The following CNTNAP2 variants were observed in gnomAD, a reference collection of about 807,000 sequenced individuals.
The protein encoded by CNTNAP2 is contactin associated protein 2, also known as contactin-associated protein-like 2.
A neutral mutation model predicts 155.2 loss-of-function variants in CNTNAP2; 98 were observed. That is an observed-to-expected ratio of 0.63 (90% CI 0.54 to 0.75). CNTNAP2 has a LOEUF of 0.75. Among genes scored for constraint, CNTNAP2 ranks in the 30% least tolerant of loss-of-function variants. The pLI is 0.00. For missense variants in CNTNAP2, 1,727 were observed against 1,688.1 expected (o/e 1.02, Z -0.40); for synonymous variants, 651 against 631.2 (o/e 1.03, Z -0.47).
chr7:147,466,743 C>T (rs752355943), intron 10 of CNTNAP2, among the ~76,000 whole-genome samples: 10 of 151,908 alleles, frequency 6.6e-5, no homozygotes, highest in Non-Finnish European at 1.5e-4. Context: ...ATGGTGATAC[C>T]CCCGTCTCTA....
intron 1 of CNTNAP2, among the ~76,000 whole-genome samples, chr7:146,151,902 T>C (rs1432371289): frequency 6.6e-6 from 1 of 150,870 alleles, no homozygotes; most frequent in African/African-American, 2.4e-5. Flanking sequence ...AAGGAAACTC[T>C]CAAACGCTGT....
intron 9 of CNTNAP2, among the ~76,000 whole-genome samples, chr7:147,326,144 T>C (rs1055803340): frequency 3.9e-5 from 6 of 152,190 alleles, no homozygotes; most frequent in Non-Finnish European, 7.3e-5. Flanking sequence ...CAGGATGGTC[T>C]CGATCTCCTG....
In CNTNAP2 at chr7:148,066,249, T is replaced by C. The variant is rs185896988; in HGVS notation, c.2384-51869T>C. Among the ~76,000 whole-genome samples, 11 of 152,342 alleles carry C rather than the reference T, an allele frequency of 7.2e-5. No homozygotes were observed. In the East Asian group the frequency reaches 1.7e-3, roughly 24 times the overall value. ...TTTGTCTTGACTTTAGATAACCTAA[T>C]GACTATGTGCTAGGTGATGATCTTT... On this transcript the variant is annotated intron_variant, in intron 15 of 23. Coordinates refer to ENST00000361727, the MANE Select transcript of CNTNAP2 (RefSeq NM_014141.6).
At chr7:147,912,592 A>G (rs1253602756) in intron 14 of CNTNAP2, among the ~76,000 whole-genome samples, 1 of 152,182 alleles carries the variant, frequency 6.6e-6, no homozygotes, top group Non-Finnish European at 1.5e-5. Context: ...GAAACTTGCA[A>G]CTGCTTCCTG....
intron 1 of CNTNAP2, among the ~76,000 whole-genome samples, chr7:146,307,277 G>A (rs1261255431): frequency 2.0e-5 from 3 of 152,168 alleles, no homozygotes; most frequent in African/African-American, 4.8e-5. Context: ...TAGAAGGGAT[G>A]TGAAGGACAT....
chr7:147,738,161 GC>G (rs1796890311), intron 13 of CNTNAP2, among the ~76,000 whole-genome samples: 1 of 152,190 alleles, frequency 6.6e-6, no homozygotes, highest in Non-Finnish European at 1.5e-5. Context: ...TCTTGGAATC[GC>G]CCCCCGAAAT....
chr7:146,888,766 A>G (rs1243138847), intron 3 of CNTNAP2, among the ~76,000 whole-genome samples: 1 of 152,144 alleles, frequency 6.6e-6, no homozygotes, highest in African/African-American at 2.4e-5. Flanking sequence ...CAAACACTAT[A>G]TGATGTTACC....
At position 146,583,299 on chromosome 7, in the gene CNTNAP2, G is replaced by T. The variant is rs185464629; in HGVS notation, c.98-190972G>T. On this transcript the variant is annotated intron_variant, in intron 1 of 23. Coordinates refer to ENST00000361727, the MANE Select transcript of CNTNAP2 (RefSeq NM_014141.6). The stretch of plus-strand genomic sequence containing the variant: ...GAAGGAAAGAGAACGTCTCATGAAA[G>T]AAAGGGAAGCGAGGCACAGTGGATG... Among the ~76,000 whole-genome samples, 82 of 152,274 alleles carry T rather than the reference G, an allele frequency of 5.4e-4. 1 individual carries two copies. In the East Asian group the frequency reaches 7.9e-3, roughly 15 times the overall value.
rs60716582 is a variant in CNTNAP2 at position 148,157,571 on chromosome 7, C to CA, written c.2773+9877dup. On this transcript the variant is annotated intron_variant, in intron 17 of 23. Transcript: ENST00000361727. ...TCAAGCATGACAGAAGCAGAAGCAG[C>CA]AAAAAAAAAAAAAAAGTCACAGAGA... 1.9e-3 allele frequency among the ~76,000 whole-genome samples: 215 copies of CA among 111,136 alleles called. 5 individuals carry two copies. Among genetic ancestry groups the CA allele is most frequent in the East Asian group, 0.011 (37 of 3,502 alleles). The allele number at this position is 111,136 out of a possible 152,430, so 72.9% of individuals were successfully genotyped here.
intron 3 of CNTNAP2, among the ~76,000 whole-genome samples, chr7:146,868,786 G>C (rs1795252541): frequency 6.6e-6 from 1 of 152,088 alleles, no homozygotes; most frequent in Non-Finnish European, 1.5e-5. Flanking sequence ...AATTGTGAGT[G>C]GGATTGCCCT....
intron 11 of CNTNAP2, among the ~76,000 whole-genome samples, chr7:147,561,110 GC>G (rs1298993795): frequency 1.3e-5 from 2 of 152,092 alleles, no homozygotes; most frequent in South Asian, 4.2e-4. Context: ...CTCAGTGAAA[GC>G]TCTCTAATTC....
intron 9 of CNTNAP2, among the ~76,000 whole-genome samples, chr7:147,309,568 G>A (rs2692177): frequency 0.49 from 74,392 of 151,018 alleles, 19,414 homozygotes; most frequent in East Asian, 0.73. Context: ...CACTTTTTTC[G>A]TAGAGGAGTT....
At chr7:146,894,728 T>C (rs2129212211) in intron 3 of CNTNAP2, among the ~76,000 whole-genome samples, 1 of 152,278 alleles carries the variant, frequency 6.6e-6, no homozygotes, top group East Asian at 1.9e-4. Context: ...TTAATTTACT[T>C]TTCTAATTCT....
Position 147,876,387 on chromosome 7 carries a change from G to A in CNTNAP2, c.2099-27178G>A, listed in dbSNP as rs151004199. On this transcript the variant is annotated intron_variant, in intron 13 of 23. Coordinates refer to ENST00000361727, the MANE Select transcript of CNTNAP2 (RefSeq NM_014141.6). ...AAGCAGAGGAGAAAAACGTTTAAATGTATATTGCTCAGCCAAAATAATGTT... is the reference window on the plus strand; with the variant it reads ...AAGCAGAGGAGAAAAACGTTTAAATATATATTGCTCAGCCAAAATAATGTT... Among the ~76,000 whole-genome samples the A allele has an allele frequency of 3.7e-3, 560 of 152,038 alleles. 5 individuals are homozygous for A. Among genetic ancestry groups the A allele is most frequent in the African/African-American group, 0.012 (514 of 41,522 alleles).
chr7:147,099,657 A>G (rs982991670), intron 4 of CNTNAP2, among the ~76,000 whole-genome samples: 1 of 152,240 alleles, frequency 6.6e-6, no homozygotes, highest in Non-Finnish European at 1.5e-5. Flanking sequence ...GATATTTTAA[A>G]TGGAATTAGA....
intron 3 of CNTNAP2, among the ~76,000 whole-genome samples, chr7:146,913,053 A>G (rs1233282549): frequency 6.6e-6 from 1 of 152,296 alleles, no homozygotes; most frequent in African/African-American, 2.4e-5. Context: ...ACTTTTCATA[A>G]GACAAGTTTA....
rs969936436 is a variant in CNTNAP2, at chr7:148,237,456, G to A, written c.3381+7677G>A. Among the ~76,000 whole-genome samples, 3 of 152,162 alleles carry A rather than the reference G, an allele frequency of 2.0e-5. No individual in the cohort carries two copies. The South Asian group carries it at 6.2e-4, about 32-fold the overall frequency. Reference sequence around the variant, plus strand: ...ATGGAAGAATATTTATTATGGAAGAGGGAGAAGGAGAGGGAAGATGTGTGT... The same window carrying A: ...ATGGAAGAATATTTATTATGGAAGAAGGAGAAGGAGAGGGAAGATGTGTGT... On this transcript the variant is annotated intron_variant, in intron 20 of 23. Transcript: ENST00000361727.
chr7:147,874,919 A>G (rs529377299), intron 13 of CNTNAP2, among the ~76,000 whole-genome samples: 22 of 152,328 alleles, frequency 1.4e-4, no homozygotes, highest in Admixed American at 1.3e-3. Flanking sequence ...TTGCATATCA[A>G]GAGTGACCTT....
At chr7:146,929,299 A>G (rs1796691272) in intron 3 of CNTNAP2, among the ~76,000 whole-genome samples, 1 of 152,180 alleles carries the variant, frequency 6.6e-6, no homozygotes, top group Admixed American at 6.6e-5. Context: ...TCTGCTCTGC[A>G]GCCACCACTA....
Sources: allele counts gnomAD v4.1 joint callset (sites outside exome capture counted in the v4.1 genomes callset), GRCh38; gene constraint gnomAD v4.1.1; transcripts MANE v1.5; gene names NCBI Gene and HGNC (gene_info 2026-07-23, HGNC 2026-07-21).